KCNIP4: variants seen among roughly 807,000 people sequenced by gnomAD.
The protein encoded by KCNIP4 is Kv channel-interacting protein 4.
In KCNIP4, 12 loss-of-function variants were observed where a neutral mutation model predicts 34.0. The ratio of observed to expected loss-of-function variants is 0.35; its 90% confidence interval spans 0.23 to 0.57. The LOEUF (loss-of-function observed/expected upper bound fraction) is 0.57, where lower values mean the gene tolerates loss of function less well. KCNIP4 is among the 20% of genes least tolerant of loss of function. KCNIP4 has a pLI of 0.83. For synonymous variants in KCNIP4, 124 were observed against 102.2 expected (o/e 1.21, Z -1.29); for missense variants, 238 against 311.7 (o/e 0.76, Z 1.78).
chr4:20,896,601 A>G (rs1347563147), intron 1 of KCNIP4, among the ~76,000 whole-genome samples: 1 of 152,222 alleles, frequency 6.6e-6, no homozygotes, highest in East Asian at 1.9e-4. Context: ...AATGACCAGG[A>G]GCCAGGAGAG....
chr4:21,236,816 T>C lies in KCNIP4; in HGVS notation c.62-354107A>G, dbSNP rs1577937928. Among the ~76,000 whole-genome samples, 6 of 150,576 alleles carry C rather than the reference T, an allele frequency of 4.0e-5. No individual in the cohort carries two copies. The South Asian group carries it at 1.3e-3, about 32-fold the overall frequency. ...CAAGGTCAGGAGCTCAAGACCAGCCTGACCAAGATGGTGAAACCCCACCTC... is the reference window on the plus strand; with the variant it reads ...CAAGGTCAGGAGCTCAAGACCAGCCCGACCAAGATGGTGAAACCCCACCTC... On this transcript the variant is annotated intron_variant, in intron 1 of 8. Coordinates refer to ENST00000382152, the MANE Select transcript of KCNIP4 (RefSeq NM_025221.6).
intron 2 of KCNIP4, among the ~76,000 whole-genome samples, chr4:20,856,981 A>T (rs1483410422): frequency 6.6e-6 from 1 of 151,870 alleles, no homozygotes; most frequent in Non-Finnish European, 1.5e-5. Flanking sequence ...GAGACAAAAG[A>T]CACAGGGCTG....
chr4:21,604,386 C>G (rs1743468271), intron 1 of KCNIP4, among the ~76,000 whole-genome samples: 1 of 151,964 alleles, frequency 6.6e-6, no homozygotes. Context: ...GTAATCTGAC[C>G]ATGTTTGCTC....
chr4:21,383,008 G>A (rs1393271074), intron 1 of KCNIP4, among the ~76,000 whole-genome samples: 1 of 152,124 alleles, frequency 6.6e-6, no homozygotes, highest in African/African-American at 2.4e-5. Context: ...AAGTTAAAAT[G>A]ATGCCATTAG....
intron 1 of KCNIP4, among the ~76,000 whole-genome samples, chr4:21,739,451 TTCTA>T (rs776345527): frequency 3.5e-4 from 54 of 152,182 alleles, no homozygotes; most frequent in Middle Eastern, 3.4e-3. Flanking sequence ...TCTCAGATGG[TTCTA>T]TCTCTTTTTT....
At chr4:21,926,758 G>A (rs1729272169) in intron 1 of KCNIP4, among the ~76,000 whole-genome samples, 1 of 152,062 alleles carries the variant, frequency 6.6e-6, no homozygotes, top group Non-Finnish European at 1.5e-5. Flanking sequence ...ATACTGAGAA[G>A]CCTCATAAAA....
intron 1 of KCNIP4, among the ~76,000 whole-genome samples, chr4:21,433,179 T>C (rs1468098026): frequency 1.3e-5 from 2 of 152,182 alleles, no homozygotes; most frequent in Non-Finnish European, 2.9e-5. Context: ...AACAGGATAT[T>C]AAAAGACATG....
rs921265788 is a variant in KCNIP4 at position 21,539,201 on chromosome 4, G to A, written c.61+409370C>T. On this transcript the variant is annotated intron_variant, in intron 1 of 8. Coordinates refer to ENST00000382152, the MANE Select transcript of KCNIP4 (RefSeq NM_025221.6). ...CCAGTCTCAGGCAATTCTTTATAAC[G>A]TGTGAAAATGAACTAATACACTCTC... is the stretch of plus-strand genomic sequence containing the variant. Among the ~76,000 whole-genome samples, 11 of 152,064 alleles carry A rather than the reference G, an allele frequency of 7.2e-5. No individual in the cohort carries two copies. The East Asian group carries it at 7.7e-4, about 11-fold the overall frequency.
chr4:20,869,020 T>C (rs1048792096), intron 2 of KCNIP4, among the ~76,000 whole-genome samples: 1 of 152,128 alleles, frequency 6.6e-6, no homozygotes, highest in African/African-American at 2.4e-5. Flanking sequence ...ATACAGGTAA[T>C]GTATTTATGC....
At chr4:21,040,068 T>A (rs956178356) in intron 1 of KCNIP4, among the ~76,000 whole-genome samples, 4 of 152,084 alleles carry the variant, frequency 2.6e-5, no homozygotes, top group African/African-American at 9.7e-5. Context: ...CCATCAGATC[T>A]CATGAGAACT....
intron 1 of KCNIP4, among the ~76,000 whole-genome samples, chr4:21,537,917 CAGA>C (rs202096149): frequency 0.012 from 1,647 of 141,362 alleles, 31 homozygotes; most frequent in African/African-American, 0.04. Context: ...GAGGCTGAGT[CAGA>C]AGAATAGCTT....
At chr4:21,633,864 A>T (rs1745929792) in intron 1 of KCNIP4, among the ~76,000 whole-genome samples, 1 of 152,138 alleles carries the variant, frequency 6.6e-6, no homozygotes, top group African/African-American at 2.4e-5. Flanking sequence ...AATAAAAAAA[A>T]TTGTGAAGAT....
chr4:21,601,098 G>A (rs1217437103), intron 1 of KCNIP4, among the ~76,000 whole-genome samples: 8 of 147,204 alleles, frequency 5.4e-5, no homozygotes, highest in South Asian at 2.1e-4. Context: ...TCCCCCAACC[G>A]TTTTCACAGG....
chr4:21,395,380 A>G (rs1211298800), intron 1 of KCNIP4, among the ~76,000 whole-genome samples: 4 of 152,028 alleles, frequency 2.6e-5, no homozygotes, highest in Non-Finnish European at 5.9e-5. Context: ...CTAAAAATCT[A>G]TTTGTCTTTC....
intron 7 of KCNIP4, among the ~76,000 whole-genome samples, 200 bp from the exon 8 acceptor site, chr4:20,732,268 A>C (rs34741188): frequency 0.2 from 30,294 of 152,116 alleles, 3,328 homozygotes; most frequent in East Asian, 0.41. Context: ...TCCCTTTTCA[A>C]TATAATGTGG....
intron 1 of KCNIP4, among the ~76,000 whole-genome samples, chr4:21,680,106 C>G (rs973229867): frequency 6.6e-6 from 1 of 152,192 alleles, no homozygotes; most frequent in African/African-American, 2.4e-5. Context: ...CACAAGATAA[C>G]TTTTTTCAAA....
At chr4:21,491,202 A>G (rs1274945204) in intron 1 of KCNIP4, among the ~76,000 whole-genome samples, 2 of 152,042 alleles carry the variant, frequency 1.3e-5, no homozygotes, top group African/African-American at 4.8e-5. Flanking sequence ...TGCAGCAGGT[A>G]TGGTTTCGTG....
chr4:20,877,562 A>G (rs1441136741), intron 2 of KCNIP4, among the ~76,000 whole-genome samples: 4 of 152,118 alleles, frequency 2.6e-5, no homozygotes, highest in Non-Finnish European at 4.4e-5. Flanking sequence ...GTTTCCTCAT[A>G]TGTAAAATAG....
At chr4:21,065,099 A>G (rs545157102) in intron 1 of KCNIP4, among the ~76,000 whole-genome samples, 4 of 152,182 alleles carry the variant, frequency 2.6e-5, no homozygotes, top group African/African-American at 7.2e-5. Flanking sequence ...TGGCAGCCCT[A>G]TGTTTTGTTT....
Sources: allele counts gnomAD v4.1 joint callset (sites outside exome capture counted in the v4.1 genomes callset), GRCh38; gene constraint gnomAD v4.1.1; transcripts MANE v1.5; gene names NCBI Gene and HGNC (gene_info 2026-07-23, HGNC 2026-07-21).